MED12L: variants seen among roughly 807,000 people sequenced by gnomAD.
The protein encoded by MED12L is mediator of RNA polymerase II transcription subunit 12-like protein.
MED12L carries 60 observed loss-of-function variants against 281.3 expected under a neutral mutation model. That is an observed-to-expected ratio of 0.21 (90% confidence interval 0.17 to 0.26). MED12L has a LOEUF of 0.26. MED12L is among the 10% of genes least tolerant of loss of function. The pLI, the probability that MED12L is intolerant of heterozygous loss-of-function variation, is 1.00. For missense variants in MED12L, 2,146 were observed against 2,680.9 expected (o/e 0.80, Z 4.41); for synonymous variants, 974 against 987.2 (o/e 0.99, Z 0.25).
At chr3:151,214,230 G>T in intron 16 of MED12L, 2 of 1,613,796 alleles carry the variant, frequency 1.2e-6, no homozygotes, top group Non-Finnish European at 1.7e-6. Context: ...AGACCATACA[G>T]TACAGCACAG....
At chr3:151,298,023 A>G (rs1347759307) in intron 16 of MED12L, among the ~76,000 whole-genome samples, 1 of 152,208 alleles carries the variant, frequency 6.6e-6, no homozygotes, top group Non-Finnish European at 1.5e-5. Context: ...GTTTGTAAGA[A>G]GCAGATGAGC....
chr3:151,245,392 C>G (rs868353422), intron 16 of MED12L, among the ~76,000 whole-genome samples: 107 of 150,678 alleles, frequency 7.1e-4, no homozygotes, highest in African/African-American at 2.5e-3. Context: ...CAAACTGAAT[C>G]CAGCAGCACA....
At chr3:151,258,358 T>C (rs1197070190) in intron 16 of MED12L, among the ~76,000 whole-genome samples, 2 of 152,226 alleles carry the variant, frequency 1.3e-5, no homozygotes, top group Non-Finnish European at 2.9e-5. Context: ...TAGTACTTTC[T>C]AATGTGGTCA....
chr3:151,375,954 G>A (rs913281893), intron 27 of MED12L, 72 bp from the exon 28 acceptor site: 1 of 619,524 alleles, frequency 1.6e-6, no homozygotes, highest in African/African-American at 2.3e-5. Flanking sequence ...ATGCACTGTG[G>A]ATTTAGTACA....
intron 16 of MED12L, among the ~76,000 whole-genome samples, chr3:151,270,982 A>G (rs1346714282): frequency 6.6e-6 from 1 of 152,056 alleles, no homozygotes; most frequent in Admixed American, 6.6e-5. Flanking sequence ...TTGCTTTGTT[A>G]GAATAAAACT....
intron 38 of MED12L, among the ~76,000 whole-genome samples, chr3:151,391,061 T>C (rs889448782): frequency 6.6e-6 from 1 of 152,210 alleles, no homozygotes; most frequent in Non-Finnish European, 1.5e-5. Flanking sequence ...GTGATTCAGT[T>C]ATTTATTCAA....
intron 42 of MED12L, among the ~76,000 whole-genome samples, chr3:151,413,688 A>G (rs1445452783): frequency 6.6e-6 from 1 of 152,216 alleles, no homozygotes; most frequent in African/African-American, 2.4e-5. Context: ...TCAGATTCCT[A>G]GAGCATTCTG....
intron 44 of MED12L, among the ~76,000 whole-genome samples, chr3:151,431,011 A>G (rs1719443366): frequency 6.6e-6 from 1 of 152,076 alleles, no homozygotes; most frequent in South Asian, 2.1e-4. Flanking sequence ...ATCATACCTC[A>G]TCTCAATGCC....
intron 2 of MED12L, among the ~76,000 whole-genome samples, chr3:151,103,855 C>T (rs1721679102): frequency 1.3e-5 from 2 of 152,278 alleles, no homozygotes; most frequent in African/African-American, 4.8e-5. Flanking sequence ...GCTTGCTTCT[C>T]ATATGGCCAC....
intron 43 of MED12L, among the ~76,000 whole-genome samples, chr3:151,428,835 A>G (rs6792767): frequency 0.97 from 147,640 of 152,336 alleles, 71,581 homozygotes; most frequent in Middle Eastern, 1. Flanking sequence ...ACTAAATGCA[A>G]TATTTGTCAT....
chr3:151,179,332 C>CA (rs1722442304), intron 11 of MED12L, among the ~76,000 whole-genome samples: 4 of 149,052 alleles, frequency 2.7e-5, no homozygotes, highest in South Asian at 2.1e-4. Flanking sequence ...AGAGCCAGAC[C>CA]GAAAAAAAAA....
Position 151,387,757 on chromosome 3 carries a change from A to G in MED12L, c.5089-53A>G, listed in dbSNP as rs1426856000. 9 of 1,544,324 alleles carry G rather than the reference A, an allele frequency of 5.8e-6. No homozygotes were observed. In the East Asian group the frequency reaches 1.8e-4, roughly 31 times the overall value. ...TCCATGTCCCATACAAGCCTGGCCT[A>G]TGAATAAGGAAAAGATCTGAGTGTG... On this transcript the variant is annotated intron_variant, in intron 36 of 44. Transcript: ENST00000687756.
At chr3:151,360,343 A>G (rs544065173) in intron 20 of MED12L, 131 bp from the exon 21 acceptor site, 73 of 767,388 alleles carry the variant, frequency 9.5e-5, no homozygotes, top group Middle Eastern at 4.9e-4. Flanking sequence ...TTACTATTCT[A>G]TTTATTAGTT....
chr3:151,298,612 T>C (rs1241494061), intron 16 of MED12L, among the ~76,000 whole-genome samples: 1 of 152,206 alleles, frequency 6.6e-6, no homozygotes, highest in African/African-American at 2.4e-5. Context: ...TAACTCAGTT[T>C]ACTAGTTCCA....
intron 16 of MED12L, among the ~76,000 whole-genome samples, chr3:151,236,380 A>G (rs1732805770): frequency 6.6e-6 from 1 of 152,214 alleles, no homozygotes; most frequent in Admixed American, 6.5e-5. Context: ...AATTAGAATA[A>G]TCATAATTCT....
At chr3:151,379,915 G>A (rs1314515301) in intron 31 of MED12L, among the ~76,000 whole-genome samples, 198 bp from the exon 32 acceptor site, 1 of 152,142 alleles carries the variant, frequency 6.6e-6, no homozygotes, top group African/African-American at 2.4e-5. Context: ...AGGGCAATTA[G>A]AGCATACGAA....
At chr3:151,432,696 C>T in intron 44 of MED12L, 56 bp from the exon 45 acceptor site, 1 of 1,279,606 alleles carries the variant, frequency 7.8e-7, no homozygotes, top group Non-Finnish European at 1.1e-6. Flanking sequence ...GGGTAGCATC[C>T]ATCTGTGCAA....
intron 17 of MED12L, among the ~76,000 whole-genome samples, chr3:151,352,582 C>A (rs566691908): frequency 4.6e-5 from 7 of 152,100 alleles, no homozygotes; most frequent in African/African-American, 1.7e-4. Flanking sequence ...GGAAAACAGA[C>A]CTTGTGTTAG....
At chr3:151,208,260 T>G (rs1195451845) in intron 16 of MED12L, among the ~76,000 whole-genome samples, 1 of 152,236 alleles carries the variant, frequency 6.6e-6, no homozygotes, top group Non-Finnish European at 1.5e-5. Flanking sequence ...TTTATAAGGA[T>G]TATGTTCTCA....
Sources: gnomAD v4.1 joint callset for allele counts (sites outside exome capture counted in the v4.1 genomes callset) on GRCh38, gnomAD v4.1.1 for gene constraint, MANE v1.5 for transcripts, NCBI Gene and HGNC (gene_info 2026-07-23, HGNC 2026-07-21) for gene names.